FHIT: variants seen among roughly 807,000 people sequenced by gnomAD.
The protein encoded by FHIT is fragile histidine triad diadenosine triphosphatase.
FHIT carries 19 observed loss-of-function variants against 17.9 expected under a neutral mutation model. The observed-to-expected ratio is 1.06, with a 90% confidence interval of 0.74 to 1.56. The LOEUF is 1.56. FHIT is among the 40% of genes most tolerant of loss of function. FHIT has a pLI of 0.00. For missense variants in FHIT, 248 were observed against 189.2 expected, an observed-to-expected ratio of 1.31 and a Z score of -1.82; for synonymous variants, 81 against 69.7, an observed-to-expected ratio of 1.16 and a Z score of -0.81.
intron 5 of FHIT, among the ~76,000 whole-genome samples, chr3:60,316,778 G>A (rs1709183139): frequency 6.6e-6 from 1 of 152,116 alleles, no homozygotes; most frequent in Non-Finnish European, 1.5e-5. Flanking sequence ...TTTCTGAAAA[G>A]ACTTGAAAAG....
intron 7 of FHIT, among the ~76,000 whole-genome samples, chr3:59,997,070 A>C (rs1323506260): frequency 6.6e-6 from 1 of 152,142 alleles, no homozygotes; most frequent in Non-Finnish European, 1.5e-5. Context: ...TTGAGAGCCT[A>C]CTATATTCTA....
intron 4 of FHIT, among the ~76,000 whole-genome samples, chr3:60,691,331 C>T (rs191173396): frequency 6.6e-6 from 1 of 151,746 alleles, no homozygotes; most frequent in African/African-American, 2.4e-5. Flanking sequence ...TTCATTTCAA[C>T]AGAAATTATC....
At chr3:60,736,963 G>T (rs72876948) in intron 4 of FHIT, among the ~76,000 whole-genome samples, 2,095 of 152,264 alleles carry the variant, frequency 0.014, 57 homozygotes, top group African/African-American at 0.047. Context: ...TGTTTTTAAG[G>T]CCTCAGCAAG....
At chr3:60,744,269 A>AAAAAAAAAC (rs2042306440) in intron 4 of FHIT, among the ~76,000 whole-genome samples, 15 of 16,052 alleles carry the variant, frequency 9.3e-4, no homozygotes, top group South Asian at 1.7e-3. Context: ...AAAACAAAAC[A>AAAAAAAAAC]AAAAAAAAAA....
At chr3:60,871,534 A>C (rs1704417237) in intron 3 of FHIT, among the ~76,000 whole-genome samples, 1 of 152,196 alleles carries the variant, frequency 6.6e-6, no homozygotes, top group South Asian at 2.1e-4. Flanking sequence ...ATACTTTCCA[A>C]GTTCCAGCCT....
In FHIT at chr3:61,207,501, G is replaced by C. The variant is rs557127632; in HGVS notation, c.-212-6836C>G. Among the ~76,000 whole-genome samples, 4 of 152,282 alleles carry C rather than the reference G, an allele frequency of 2.6e-5. No individual in the cohort carries two copies. In the South Asian group the frequency reaches 8.3e-4, roughly 32 times the overall value. On this transcript the variant is annotated intron_variant, in intron 1 of 9. Transcript: ENST00000492590. The stretch of plus-strand genomic sequence containing the variant: ...ACTTATTGCCTCAATTTCAGAGCCT[G>C]TTATTGGTCTATTCAGAGATTCAAC...
intron 4 of FHIT, among the ~76,000 whole-genome samples, chr3:60,736,223 T>C (rs2042130031): frequency 6.6e-6 from 1 of 152,176 alleles, no homozygotes; most frequent in South Asian, 2.1e-4. Flanking sequence ...TCAAAAAGCA[T>C]CTGGCAGTTC....
intron 5 of FHIT, among the ~76,000 whole-genome samples, chr3:60,052,120 T>C (rs1270671066): frequency 1.3e-5 from 2 of 152,144 alleles, no homozygotes; most frequent in South Asian, 4.1e-4. Flanking sequence ...TGGCTTTCCC[T>C]TGTATATAAA....
intron 3 of FHIT, among the ~76,000 whole-genome samples, chr3:60,913,599 C>T (rs1553766429): frequency 6.6e-6 from 1 of 152,176 alleles, no homozygotes; most frequent in East Asian, 1.9e-4. Context: ...ACTTAATAAA[C>T]CACCCCCAAA....
At chr3:60,029,901 G>GTGTC (rs1553655759) in intron 5 of FHIT, among the ~76,000 whole-genome samples, 37 of 143,154 alleles carry the variant, frequency 2.6e-4, no homozygotes, top group Non-Finnish European at 4.9e-4. Flanking sequence ...GTGTGTCTGT[G>GTGTC]TGTGTGTGTG....
chr3:60,151,344 A>G (rs567783725), intron 5 of FHIT, among the ~76,000 whole-genome samples: 1 of 152,272 alleles, frequency 6.6e-6, no homozygotes, highest in African/African-American at 2.4e-5. Flanking sequence ...GACTCTGATC[A>G]CTTCTTACCA....
At chr3:61,151,211 A>T (rs2037376692) in intron 2 of FHIT, among the ~76,000 whole-genome samples, 1 of 152,180 alleles carries the variant, frequency 6.6e-6, no homozygotes, top group African/African-American at 2.4e-5. Context: ...TAAGAACTAG[A>T]GACCAAATGT....
At chr3:60,744,271 A>AAAAAAAAAAAAAAAAAAAC (rs2042309303) in intron 4 of FHIT, among the ~76,000 whole-genome samples, 13 of 52,106 alleles carry the variant, frequency 2.5e-4, no homozygotes, top group African/African-American at 4.6e-4. Flanking sequence ...AACAAAACAA[A>AAAAAAAAAAAAAAAAAAAC]AAAAAAAAAA....
At chr3:60,384,650 A>G (rs1161278147) in intron 5 of FHIT, among the ~76,000 whole-genome samples, 1 of 152,100 alleles carries the variant, frequency 6.6e-6, no homozygotes. Flanking sequence ...ACTCACATAA[A>G]AACTGCCAAG....
intron 8 of FHIT, among the ~76,000 whole-genome samples, chr3:59,792,678 T>G (rs1375284227): frequency 6.6e-6 from 1 of 152,218 alleles, no homozygotes; most frequent in Non-Finnish European, 1.5e-5. Context: ...GAGCTCAATG[T>G]ATATTAACTG....
At chr3:60,520,583 C>T (rs1291104705) in intron 5 of FHIT, among the ~76,000 whole-genome samples, 1 of 152,018 alleles carries the variant, frequency 6.6e-6, no homozygotes, top group African/African-American at 2.4e-5. Flanking sequence ...AAATGAAGGT[C>T]TACTGCTTAT....
intron 4 of FHIT, among the ~76,000 whole-genome samples, chr3:60,637,724 T>G (rs1553684301): frequency 6.6e-6 from 1 of 152,146 alleles, no homozygotes. Flanking sequence ...GGTAAAAAAT[T>G]GAATTAGGTT....
chr3:60,685,047 A>T (rs1326463028), intron 4 of FHIT, among the ~76,000 whole-genome samples: 1 of 152,126 alleles, frequency 6.6e-6, no homozygotes, highest in Non-Finnish European at 1.5e-5. Context: ...GCTGAGAGAA[A>T]TCTGAACAAA....
rs1703557882 is a variant in FHIT at position 60,087,757 on chromosome 3, G to C, written c.104-73605C>G. 1.3e-5 allele frequency among the ~76,000 whole-genome samples: 2 copies of C among 152,276 alleles called. 1 individual carries two copies. The highest frequency in any genetic ancestry group is 4.1e-4 in the South Asian group (2 of 4,824). ...AGACCTTGTCAGCATGGATTTTACA[G>C]TCTATATTTCTATCAGCATTTTGGT... On this transcript the variant is annotated intron_variant, in intron 5 of 9. Coordinates refer to ENST00000492590, the MANE Select transcript of FHIT (RefSeq NM_002012.4).
Sources: gnomAD v4.1 joint callset for allele counts (sites outside exome capture counted in the v4.1 genomes callset) on GRCh38, gnomAD v4.1.1 for gene constraint, MANE v1.5 for transcripts, NCBI Gene and HGNC (gene_info 2026-07-23, HGNC 2026-07-21) for gene names.